Variants in NTSR1 observed in about 807,000 individuals in gnomAD.
NTSR1 encodes neurotensin receptor type 1.
A neutral mutation model predicts 31.2 loss-of-function variants in NTSR1; 29 were observed. The ratio of observed to expected loss-of-function variants is 0.93; its 90% CI spans 0.69 to 1.27. NTSR1 has a LOEUF of 1.27. Among genes scored for constraint, NTSR1 ranks in the 50% most tolerant of loss-of-function variants. The probability of loss-of-function intolerance (pLI) is 0.00; values close to 1 mark genes in which losing one functional copy is unlikely to be tolerated. For synonymous variants in NTSR1, 282 were observed against 269.9 expected, an observed-to-expected ratio of 1.04 and a Z score of -0.44; for missense variants, 697 against 595.4, an observed-to-expected ratio of 1.17 and a Z score of -1.78.
intron 1 of NTSR1, among the ~76,000 whole-genome samples, chr20:62,737,719 C>A (rs1011927620): frequency 6.6e-6 from 1 of 152,046 alleles, no homozygotes; most frequent in Non-Finnish European, 1.5e-5. Context: ...CACCTGGGTC[C>A]CTCCCTGGCC....
Position 62,743,917 on chromosome 20 carries a change from C to T in NTSR1, c.715-10768C>T, listed in dbSNP as rs941106643. Among the ~76,000 whole-genome samples the T allele has an allele frequency of 6.6e-5, 10 of 152,192 alleles. No homozygotes were observed. The highest frequency in any genetic ancestry group is 1.2e-4 in the Non-Finnish European group (8 of 68,024). ...TGCCCTCACCTGTGGGCAGGCATACCGTGTGCACCCCTCCCGCTCCCCACC... is the reference window on the plus strand; with the variant it reads ...TGCCCTCACCTGTGGGCAGGCATACTGTGTGCACCCCTCCCGCTCCCCACC... On this transcript the variant is annotated intron_variant, in intron 1 of 3. Transcript: ENST00000370501. The surrounding 1 kb of genome is among the most constrained non-coding windows in gnomAD (Gnocchi z 7.5).
At chr20:62,740,683 T>A (rs574890432) in intron 1 of NTSR1, among the ~76,000 whole-genome samples, 14 of 152,174 alleles carry the variant, frequency 9.2e-5, no homozygotes, top group Non-Finnish European at 1.5e-4. Context: ...CCCGCTCAGA[T>A]CCCCAGAGAG....
rs1269020090 is a variant in NTSR1, at chr20:62,711,445, G to C, written c.714+1524G>C. Among the ~76,000 whole-genome samples the C allele has an allele frequency of 6.6e-6, 1 of 151,976 alleles. No homozygotes were observed. Among genetic ancestry groups the C allele is most frequent in the Non-Finnish European group, 1.5e-5 (1 of 67,916 alleles). The stretch of plus-strand genomic sequence containing the variant: ...GGGGAACCTCTCCCCAGTCCGCGTG[G>C]AGGGGCCCCAGGGGCGACAGCCACT... On this transcript the variant is annotated intron_variant, in intron 1 of 3. Transcript: ENST00000370501. This position sits in a 1 kb window ranked among gnomAD's most constrained non-coding sequence, Gnocchi z 6.4.
intron 1 of NTSR1, among the ~76,000 whole-genome samples, chr20:62,718,776 C>CTTCTGGGTTGT (rs1195002787): frequency 2.6e-5 from 4 of 152,184 alleles, no homozygotes; most frequent in African/African-American, 9.7e-5. Context: ...CACCAAAAGA[C>CTTCTGGGTTGT]TTCTGGGTTG....
chr20:62,716,129 C>T lies in NTSR1; in HGVS notation c.714+6208C>T, dbSNP rs150472894. Among the ~76,000 whole-genome samples the T allele has an allele frequency of 7.1e-3, 1,083 of 152,260 alleles. 9 individuals carry two copies. Among genetic ancestry groups the T allele is most frequent in the African/African-American group, 0.025 (1,030 of 41,540 alleles). Reference sequence around the variant, plus strand: ...AAGCACGTTCACATTGCTGTGCAACCGTCGCCACCATCCACCTCCAGAACC... The same window carrying T: ...AAGCACGTTCACATTGCTGTGCAACTGTCGCCACCATCCACCTCCAGAACC... On this transcript the variant is annotated intron_variant, in intron 1 of 3. Coordinates refer to ENST00000370501, the MANE Select transcript of NTSR1 (RefSeq NM_002531.3).
chr20:62,745,196 C>T lies in NTSR1; in HGVS notation c.715-9489C>T, dbSNP rs898747954. Among the ~76,000 whole-genome samples, 1 of 152,050 alleles carries T rather than the reference C, an allele frequency of 6.6e-6. No individual in the cohort carries two copies. The highest frequency in any genetic ancestry group is 1.5e-5 in the Non-Finnish European group (1 of 68,006). ...TACACACACCAGACTCAGAGGGAGA[C>T]CCAGACAGACAGCAACACAAAGACA... On this transcript the variant is annotated intron_variant, in intron 1 of 3. Transcript: ENST00000370501. The surrounding 1 kb of genome is among the most constrained non-coding windows in gnomAD (Gnocchi z 4.1).
chr20:62,714,109 A>G lies in NTSR1; in HGVS notation c.714+4188A>G, dbSNP rs535335120. 6.6e-6 allele frequency among the ~76,000 whole-genome samples: 1 copy of G among 151,790 alleles called. No individual in the cohort carries two copies. Among genetic ancestry groups the G allele is most frequent in the South Asian group, 2.1e-4 (1 of 4,836 alleles). On this transcript the variant is annotated intron_variant, in intron 1 of 3. Coordinates refer to ENST00000370501, the MANE Select transcript of NTSR1 (RefSeq NM_002531.3). This position sits in a 1 kb window ranked among gnomAD's most constrained non-coding sequence, Gnocchi z 4.1. ...CTGTCTCAAAGAAAAAAAAAGTTGC[A>G]GAAGAAGTTCTTCAAGGGGTCCTTA...
chr20:62,709,631 C>A lies in NTSR1; in HGVS notation c.424C>A (p.Arg142Ser), dbSNP rs112613610. ...HPWAFGDAGC[R>S]GYYFLRDACT... ...CTGGGCCTTCGGCGACGCCGGCTGC[C>A]GCGGCTACTACTTCCTGCGCGACGC... is the stretch of plus-strand genomic sequence containing the variant. The change falls in exon 1 of 4, where the codon CGC becomes AGC. Residue 142 changes from arginine (R) to serine (S), a missense_variant. Transcript: ENST00000370501. The A allele has an allele frequency of 6.2e-7, 1 of 1,612,236 alleles. No individual in the cohort carries two copies. Among genetic ancestry groups the A allele is most frequent in the East Asian group, 2.2e-5 (1 of 44,874 alleles).
rs11481597 is a variant in NTSR1 at position 62,744,554 on chromosome 20, C to CAA, written c.715-10117_715-10116dup. Among the ~76,000 whole-genome samples, 17,060 of 116,524 alleles carry CAA rather than the reference C, an allele frequency of 0.15. 1,409 individuals are homozygous for CAA. The highest frequency in any genetic ancestry group is 0.27 in the Middle Eastern group (64 of 238). The allele number at this position is 116,524 out of a possible 152,430, so 76.4% of individuals were successfully genotyped here. A position where few individuals can be genotyped will look rare whatever the true frequency, so the allele number is the denominator to read the frequency against. ...TGGGTGACAGAACAAGACTCCGTCT[C>CAA]AAAAAAAAAAAAAAATACAAAATTA... On this transcript the variant is annotated intron_variant, in intron 1 of 3. Coordinates refer to ENST00000370501, the MANE Select transcript of NTSR1 (RefSeq NM_002531.3). This position sits in a 1 kb window ranked among gnomAD's most constrained non-coding sequence, Gnocchi z 4.1.
rs1239061964 is a variant in NTSR1 at position 62,760,510 on chromosome 20, G to A, written c.*243G>A. 4 of 474,208 alleles carry A rather than the reference G, an allele frequency of 8.4e-6. No homozygotes were observed. Among genetic ancestry groups the A allele is most frequent in the African/African-American group, 7.8e-5 (4 of 51,134 alleles). 29.4% of individuals were successfully genotyped at this position (474,208 alleles called of 1,614,324 possible). Reference sequence around the variant, plus strand: ...CTCCTCTTTGAAAGCCAGAACAAGAGAGCGCTCCTCTCCCAGATAGGAAAA... The same window carrying A: ...CTCCTCTTTGAAAGCCAGAACAAGAAAGCGCTCCTCTCCCAGATAGGAAAA... On this transcript the variant is annotated 3_prime_UTR_variant, in exon 4 of 4. Transcript: ENST00000370501.
rs1478295034 is a variant in NTSR1 at position 62,714,624 on chromosome 20, C to T, written c.714+4703C>T. ...CATTGAATCTGAATCTCATGGAGCC[C>T]CTGATCCAACACACAGGACACACCA... On this transcript the variant is annotated intron_variant, in intron 1 of 3. Transcript: ENST00000370501. This position sits in a 1 kb window ranked among gnomAD's most constrained non-coding sequence, Gnocchi z 4.1. Among the ~76,000 whole-genome samples, 1 of 152,134 alleles carries T rather than the reference C, an allele frequency of 6.6e-6. No individual in the cohort carries two copies. Among genetic ancestry groups the T allele is most frequent in the Non-Finnish European group, 1.5e-5 (1 of 68,028 alleles).
Position 62,758,481 on chromosome 20 carries a change from C to A in NTSR1, c.1007+125C>A. ...AGGGGTGTGGTGAGTCCCCCGGCGA[C>A]CCCCTGGGCAGGGTTGTGCTGTGAC... On this transcript the variant is annotated intron_variant, in intron 3 of 3. Transcript: ENST00000370501. The surrounding 1 kb of genome is among the most constrained non-coding windows in gnomAD (Gnocchi z 4.5). 2.4e-6 allele frequency: 2 copies of A among 827,980 alleles called. No homozygotes were observed. Among genetic ancestry groups the A allele is most frequent in the Non-Finnish European group, 3.9e-6 (2 of 512,910 alleles). 51.3% of individuals were successfully genotyped at this position (827,980 alleles called of 1,614,324 possible). A position where few individuals can be genotyped will look rare whatever the true frequency, so the allele number is the denominator to read the frequency against.
intron 1 of NTSR1, among the ~76,000 whole-genome samples, chr20:62,750,373 A>G (rs1352538994): frequency 6.6e-6 from 1 of 152,148 alleles, no homozygotes; most frequent in African/African-American, 2.4e-5. Context: ...GCTTTGAGGT[A>G]TGGTGTGAGG....
chr20:62,731,692 G>A (rs1298011265), intron 1 of NTSR1, among the ~76,000 whole-genome samples: 1 of 152,166 alleles, frequency 6.6e-6, no homozygotes, highest in Non-Finnish European at 1.5e-5. Context: ...AGCACCATCT[G>A]TTGAAAGACA....
intron 1 of NTSR1, among the ~76,000 whole-genome samples, chr20:62,728,222 T>C (rs1237481554): frequency 6.6e-6 from 1 of 152,160 alleles, no homozygotes; most frequent in Non-Finnish European, 1.5e-5. Flanking sequence ...TCTCCCAGCA[T>C]CCGAGCCTTG....
At chr20:62,726,008 C>T (rs893670951) in intron 1 of NTSR1, among the ~76,000 whole-genome samples, 1 of 152,206 alleles carries the variant, frequency 6.6e-6, no homozygotes, top group Non-Finnish European at 1.5e-5. Context: ...CTGCCCTGTC[C>T]CTGCCCTGGG....
chr20:62,739,586 G>A (rs2147141906), intron 1 of NTSR1, among the ~76,000 whole-genome samples: 1 of 152,364 alleles, frequency 6.6e-6, no homozygotes, highest in East Asian at 1.9e-4. Context: ...GCCTCTTCCG[G>A]TGGGTGAGGA....
intron 3 of NTSR1, 59 bp from the exon 4 acceptor site, chr20:62,759,959 C>G: frequency 6.3e-7 from 1 of 1,578,492 alleles, no homozygotes; most frequent in Non-Finnish European, 8.7e-7. Flanking sequence ...CGGCTGTCAC[C>G]CTGCCTTGGG....
intron 1 of NTSR1, among the ~76,000 whole-genome samples, chr20:62,724,427 C>T (rs147697934): frequency 4.5e-5 from 2 of 44,652 alleles, no homozygotes; most frequent in African/African-American, 1.3e-4. Flanking sequence ...TTGCAGGGCA[C>T]TCAGACAAGG....
Sources: gnomAD v4.1 joint callset for allele counts (sites outside exome capture counted in the v4.1 genomes callset) on GRCh38, gnomAD v4.1.1 for gene constraint, Gnocchi (gnomAD v3.1) non-coding constraint, MANE v1.5 for transcripts, NCBI Gene and HGNC (gene_info 2026-07-23, HGNC 2026-07-21) for gene names.